Variants in IGSF21 observed in about 807,000 individuals in gnomAD.
The protein encoded by IGSF21 is immunoglobin superfamily member 21.
IGSF21 carries 28 observed loss-of-function variants against 46.8 expected under a neutral mutation model. That is an observed-to-expected ratio of 0.60 (90% CI 0.44 to 0.82). The LOEUF (loss-of-function observed/expected upper bound fraction) is 0.82. Among genes scored for constraint, IGSF21 ranks in the 40% least tolerant of loss-of-function variants. IGSF21 has a pLI of 0.00. For missense variants in IGSF21, 624 were observed against 665.5 expected (o/e 0.94, Z 0.69); for synonymous variants, 284 against 273.6 (o/e 1.04, Z -0.38).
intron 9 of IGSF21, among the ~76,000 whole-genome samples, chr1:18,377,948 C>A (rs2086302080): frequency 6.6e-6 from 1 of 152,182 alleles, no homozygotes; most frequent in South Asian, 2.1e-4. Flanking sequence ...GGCCCAGACG[C>A]TGCTCCCAGG....
intron 2 of IGSF21, among the ~76,000 whole-genome samples, chr1:18,291,466 G>A (rs1401582287): frequency 6.6e-6 from 1 of 152,170 alleles, no homozygotes; most frequent in African/African-American, 2.4e-5. Context: ...GGGGACCACC[G>A]CCTTCAGGAG....
At chr1:18,295,802 C>T (rs1377219886) in intron 3 of IGSF21, among the ~76,000 whole-genome samples, 2 of 152,212 alleles carry the variant, frequency 1.3e-5, no homozygotes, top group Non-Finnish European at 2.9e-5. Flanking sequence ...GGAGTTGACG[C>T]CACCCCGGGA....
At chr1:18,259,700 A>G (rs1456484618) in intron 2 of IGSF21, among the ~76,000 whole-genome samples, 1 of 152,194 alleles carries the variant, frequency 6.6e-6, no homozygotes. Flanking sequence ...GTACACACAT[A>G]GGATGAGGAA....
intron 2 of IGSF21, among the ~76,000 whole-genome samples, chr1:18,254,742 T>C (rs904364303): frequency 6.6e-6 from 1 of 152,258 alleles, no homozygotes; most frequent in East Asian, 1.9e-4. Context: ...CCAAGCCAAG[T>C]GTCTGGTGGC....
chr1:18,332,978 C>A (rs1431251251), intron 3 of IGSF21, among the ~76,000 whole-genome samples: 1 of 152,062 alleles, frequency 6.6e-6, no homozygotes, highest in Admixed American at 6.5e-5. Flanking sequence ...AAGAAAAGAG[C>A]GAAGCTGAGG....
chr1:18,369,174 G>A (rs2086200385), intron 6 of IGSF21, among the ~76,000 whole-genome samples: 1 of 152,196 alleles, frequency 6.6e-6, no homozygotes, highest in African/African-American at 2.4e-5. Context: ...GGTGAGTAAA[G>A]AGACACCTGG....
chr1:18,344,968 T>A (rs935237873), intron 4 of IGSF21, among the ~76,000 whole-genome samples: 1 of 152,138 alleles, frequency 6.6e-6, no homozygotes, highest in Non-Finnish European at 1.5e-5. Flanking sequence ...CTGGCTGGGA[T>A]CCAGGCCAGA....
intron 1 of IGSF21, among the ~76,000 whole-genome samples, chr1:18,186,615 G>T (rs748277256): frequency 8.5e-5 from 13 of 152,130 alleles, no homozygotes; most frequent in Non-Finnish European, 1.6e-4. Context: ...CCAAGTAGCA[G>T]CTTGCAGAGT....
At chr1:18,139,576 A>G (rs2086396453) in intron 1 of IGSF21, among the ~76,000 whole-genome samples, 1 of 152,220 alleles carries the variant, frequency 6.6e-6, no homozygotes, top group South Asian at 2.1e-4. Flanking sequence ...GACCACTGTC[A>G]GGCAGTGTGG....
At chr1:18,369,453 C>T (rs1201164127) in intron 6 of IGSF21, among the ~76,000 whole-genome samples, 1 of 152,178 alleles carries the variant, frequency 6.6e-6, no homozygotes, top group Admixed American at 6.5e-5. Context: ...TTTCTTAGGT[C>T]AGCCAGCCAA....
chr1:18,279,193 C>G (rs750982310), intron 2 of IGSF21, among the ~76,000 whole-genome samples: 1 of 152,196 alleles, frequency 6.6e-6, no homozygotes, highest in African/African-American at 2.4e-5. Flanking sequence ...GGCTGCCCTC[C>G]CCTGGCCACC....
At chr1:18,284,074 A>T (rs756192295) in intron 2 of IGSF21, among the ~76,000 whole-genome samples, 5 of 152,154 alleles carry the variant, frequency 3.3e-5, no homozygotes, top group Non-Finnish European at 7.3e-5. Flanking sequence ...CACTGTCCTC[A>T]TCTGCTTTGT....
At chr1:18,361,237 T>A (rs1321705637) in intron 4 of IGSF21, 1 of 152,326 alleles carries the variant, frequency 6.6e-6, no homozygotes, top group East Asian at 1.9e-4. Context: ...ACTGAAAACC[T>A]TCAGTGGCTC....
chr1:18,347,143 T>C lies in IGSF21; in HGVS notation c.424+12133T>C, dbSNP rs575178317. On this transcript the variant is annotated intron_variant, in intron 4 of 9. Transcript: ENST00000251296. ...AGGTCCAAGCCTGCTGACTGCCTCC[T>C]GGACAGGCTTCTAGAACCCTCCCTC... 2.0e-5 allele frequency among the ~76,000 whole-genome samples: 3 copies of C among 152,318 alleles called. No individual in the cohort carries two copies. The South Asian group carries it at 6.2e-4, about 32-fold the overall frequency.
At chr1:18,142,070 A>C (rs1374559050) in intron 1 of IGSF21, among the ~76,000 whole-genome samples, 1 of 152,158 alleles carries the variant, frequency 6.6e-6, no homozygotes, top group Non-Finnish European at 1.5e-5. Flanking sequence ...ACTGTCGCAA[A>C]ATAATTTTTA....
chr1:18,162,979 G>A (rs891960709), intron 1 of IGSF21, among the ~76,000 whole-genome samples: 5 of 152,124 alleles, frequency 3.3e-5, no homozygotes, highest in African/African-American at 4.8e-5. Flanking sequence ...TGTCACATTG[G>A]GGGTGGTAGA....
intron 2 of IGSF21, among the ~76,000 whole-genome samples, chr1:18,256,613 C>T (rs1218502889): frequency 6.6e-6 from 1 of 152,126 alleles, no homozygotes; most frequent in African/African-American, 2.4e-5. Flanking sequence ...AAGGAAAGGC[C>T]TTGGTCTGAC....
chr1:18,359,331 A>C (rs1252460631), intron 4 of IGSF21, among the ~76,000 whole-genome samples: 1 of 82,940 alleles, frequency 1.2e-5, no homozygotes, highest in Non-Finnish European at 2.8e-5. Flanking sequence ...AGAGAGAAAG[A>C]GAAAGAAAAA....
At chr1:18,227,873 C>T (rs752790008) in intron 1 of IGSF21, 25 bp from the exon 2 acceptor site, 4 of 1,574,150 alleles carry the variant, frequency 2.5e-6, no homozygotes, top group Non-Finnish European at 3.5e-6. Flanking sequence ...GTGCCCTTAC[C>T]ACCCCTTTCT....
Sources: allele counts gnomAD v4.1 joint callset (sites outside exome capture counted in the v4.1 genomes callset), GRCh38; gene constraint gnomAD v4.1.1; transcripts MANE v1.5; gene names NCBI Gene and HGNC (gene_info 2026-07-23, HGNC 2026-07-21).